Variants in LRP1B observed in about 807,000 individuals in gnomAD.
LRP1B encodes low-density lipoprotein receptor-related protein 1B.
In LRP1B, 217 loss-of-function variants were observed where a neutral mutation model predicts 556.6. The observed-to-expected ratio is 0.39, with a 90% CI of 0.35 to 0.44. The LOEUF (loss-of-function observed/expected upper bound fraction) is 0.44. LRP1B is among the 20% of genes least tolerant of loss of function. LRP1B has a pLI of 1.00. For missense variants in LRP1B, 5,053 were observed against 5,620.8 expected, an observed-to-expected ratio of 0.90 and a Z score of 3.23; for synonymous variants, 2,047 against 1,865.8, an observed-to-expected ratio of 1.10 and a Z score of -2.50.
At chr2:141,380,446 A>AGTGATAAAAT (rs1689595707) in intron 3 of LRP1B, among the ~76,000 whole-genome samples, 5 of 152,276 alleles carry the variant, frequency 3.3e-5, no homozygotes, top group Admixed American at 2.6e-4. Context: ...AGCTCACTCC[A>AGTGATAAAAT]GTGATAAAAT....
chr2:140,426,677 A>G (rs1478486558), intron 66 of LRP1B, among the ~76,000 whole-genome samples: 7 of 152,152 alleles, frequency 4.6e-5, no homozygotes, highest in African/African-American at 7.2e-5. Context: ...CTTATAAAAC[A>G]GCCCCACCCA....
chr2:141,824,349 A>G (rs921248900), intron 1 of LRP1B, among the ~76,000 whole-genome samples: 1 of 152,210 alleles, frequency 6.6e-6, no homozygotes, highest in African/African-American at 2.4e-5. Flanking sequence ...ACATCTGTCA[A>G]AAAGCCTGTT....
rs368225490 is a variant in LRP1B at position 140,989,682 on chromosome 2, T to C, written c.2645-25A>G. 1.4e-5 allele frequency: 23 copies of C among 1,608,654 alleles called. No individual in the cohort carries two copies. In the African/African-American group the frequency reaches 2.3e-4, roughly 16 times the overall value. ...ACTGGGAGGGAGGGGGAAGCAAGATTAATTATTTAAAATTGGATAAAGTTG... is the reference window on the plus strand; with the variant it reads ...ACTGGGAGGGAGGGGGAAGCAAGATCAATTATTTAAAATTGGATAAAGTTG... On this transcript the variant is annotated intron_variant, in intron 16 of 90. Coordinates refer to ENST00000389484, the MANE Select transcript of LRP1B (RefSeq NM_018557.3).
chr2:141,300,126 A>T (rs1242161886), intron 3 of LRP1B, among the ~76,000 whole-genome samples: 1 of 152,188 alleles, frequency 6.6e-6, no homozygotes, highest in African/African-American at 2.4e-5. Flanking sequence ...GCCCCACACA[A>T]TAATCCAATT....
chr2:140,776,737 T>C, intron 32 of LRP1B, among the ~76,000 whole-genome samples: 1 of 152,090 alleles, frequency 6.6e-6, no homozygotes, highest in East Asian at 1.9e-4. Flanking sequence ...TGCTCTCCAT[T>C]ACCGGTCTCT....
chr2:140,606,629 A>G (rs1682877364), intron 41 of LRP1B, among the ~76,000 whole-genome samples: 1 of 152,092 alleles, frequency 6.6e-6, no homozygotes, highest in Admixed American at 6.6e-5. Context: ...AGTTTATAGT[A>G]ATAAAGAGAG....
chr2:141,120,321 T>C (rs1882637), intron 7 of LRP1B, among the ~76,000 whole-genome samples: 35,911 of 151,804 alleles, frequency 0.24, 4,935 homozygotes, highest in East Asian at 0.51. Context: ...GTGACTTTTG[T>C]CTATTAATTT....
intron 2 of LRP1B, among the ~76,000 whole-genome samples, chr2:141,557,773 A>G (rs1029887085): frequency 6.6e-6 from 1 of 151,768 alleles, no homozygotes; most frequent in Non-Finnish European, 1.5e-5. Flanking sequence ...ACACATTTTT[A>G]TTTTGTTTGA....
At chr2:142,044,079 T>A (rs1048561279) in intron 1 of LRP1B, among the ~76,000 whole-genome samples, 1 of 151,772 alleles carries the variant, frequency 6.6e-6, no homozygotes, top group Admixed American at 6.6e-5. Flanking sequence ...TCACAATTAT[T>A]TTTGCTATTA....
chr2:140,925,281 A>G (rs1192908347), intron 20 of LRP1B, among the ~76,000 whole-genome samples: 2 of 152,116 alleles, frequency 1.3e-5, no homozygotes, highest in Non-Finnish European at 2.9e-5. Context: ...TTTCATAAAC[A>G]AGATATTGTG....
At chr2:141,677,191 A>G (rs1690915946) in intron 2 of LRP1B, among the ~76,000 whole-genome samples, 1 of 152,148 alleles carries the variant, frequency 6.6e-6, no homozygotes, top group Admixed American at 6.5e-5. Flanking sequence ...ATGGGAGAAA[A>G]TTTCTTCATG....
At chr2:141,346,789 A>G (rs1688270004) in intron 3 of LRP1B, among the ~76,000 whole-genome samples, 1 of 152,096 alleles carries the variant, frequency 6.6e-6, no homozygotes, top group Non-Finnish European at 1.5e-5. Flanking sequence ...TGTTGGATTA[A>G]TTTCTTACAT....
intron 20 of LRP1B, among the ~76,000 whole-genome samples, chr2:140,941,053 A>G (rs1695386269): frequency 6.6e-6 from 1 of 152,160 alleles, no homozygotes; most frequent in Non-Finnish European, 1.5e-5. Context: ...TATTTGAAAC[A>G]TAGTGTTTTC....
At chr2:140,813,423 A>T (rs1690995717) in intron 32 of LRP1B, among the ~76,000 whole-genome samples, 1 of 152,198 alleles carries the variant, frequency 6.6e-6, no homozygotes, top group African/African-American at 2.4e-5. Context: ...GTAAGCCAAG[A>T]ATCAGTAACA....
At chr2:141,734,335 T>C (rs990057118) in intron 2 of LRP1B, among the ~76,000 whole-genome samples, 8 of 152,126 alleles carry the variant, frequency 5.3e-5, no homozygotes, top group African/African-American at 1.9e-4. Context: ...GTTTAAGCTA[T>C]ATAAATTGTT....
chr2:141,544,352 CT>C (rs1286682057), intron 2 of LRP1B, among the ~76,000 whole-genome samples: 4 of 89,572 alleles, frequency 4.5e-5, no homozygotes, highest in African/African-American at 1.5e-4. Context: ...TCTTCTTCTT[CT>C]TCTTCTTCTT....
chr2:140,968,938 C>T (rs1696322880), intron 18 of LRP1B, among the ~76,000 whole-genome samples: 1 of 152,138 alleles, frequency 6.6e-6, no homozygotes, highest in African/African-American at 2.4e-5. Context: ...CTGAAGAGTG[C>T]TTTACTTCCA....
chr2:140,811,455 TA>T (rs1345390639), intron 32 of LRP1B, among the ~76,000 whole-genome samples: 1 of 152,200 alleles, frequency 6.6e-6, no homozygotes, highest in Admixed American at 6.5e-5. Flanking sequence ...GTAACAATTT[TA>T]TTATATTTTT....
intron 1 of LRP1B, among the ~76,000 whole-genome samples, chr2:142,003,253 G>T (rs182761618): frequency 6.6e-6 from 1 of 152,198 alleles, no homozygotes; most frequent in Non-Finnish European, 1.5e-5. Flanking sequence ...ATTGTTTAAT[G>T]CAATATATCA....
Sources: allele counts gnomAD v4.1 joint callset (sites outside exome capture counted in the v4.1 genomes callset), GRCh38; gene constraint gnomAD v4.1.1; transcripts MANE v1.5; gene names NCBI Gene and HGNC (gene_info 2026-07-23, HGNC 2026-07-21).